The following NPHS2 variants were observed in gnomAD, a reference collection of about 807,000 sequenced individuals.
The protein encoded by NPHS2 is NPHS2 stomatin family member, podocin.
Under a neutral mutation model 37.1 loss-of-function variants are expected in NPHS2, and 36 were observed. The ratio of observed to expected loss-of-function variants is 0.97; its 90% CI spans 0.74 to 1.28. The LOEUF (loss-of-function observed/expected upper bound fraction) is 1.28, where lower values mean the gene tolerates loss of function less well. NPHS2 is among the 50% of genes most tolerant of loss of function. The pLI, the probability that NPHS2 is intolerant of heterozygous loss-of-function variation, is 0.00. For missense variants in NPHS2, 447 were observed against 488.1 expected (o/e 0.92, Z 0.79); for synonymous variants, 196 against 189.3 (o/e 1.04, Z -0.29).
At chr1:179,574,699 G>C (rs80202463) in intron 1 of NPHS2, among the ~76,000 whole-genome samples, 6,582 of 152,266 alleles carry the variant, frequency 0.043, 196 homozygotes, top group Non-Finnish European at 0.068. Flanking sequence ...TAAAACTTCA[G>C]AGCCAGCAGG....
At chr1:179,554,694 T>A in intron 5 of NPHS2, 163 bp from the exon 6 acceptor site, 1 of 907,346 alleles carries the variant, frequency 1.1e-6, no homozygotes, top group Non-Finnish European at 1.8e-6. Flanking sequence ...AAGAGTTGTT[T>A]AACTTGCATG....
At chr1:179,554,335 T>G (rs1572271432) in intron 6 of NPHS2, 141 bp downstream of exon 6, 1 of 898,556 alleles carries the variant, frequency 1.1e-6, no homozygotes, top group South Asian at 1.7e-5. Flanking sequence ...AGATATTAGG[T>G]GATTTGTTTC....
rs145693203 is a variant in NPHS2 at position 179,556,436 on chromosome 1, G to A, written c.738+591C>T. Among the ~76,000 whole-genome samples the A allele has an allele frequency of 3.0e-3, 459 of 152,358 alleles. 2 individuals are homozygous for A. The highest frequency in any genetic ancestry group is 8.4e-3 in the African/African-American group (349 of 41,590). On this transcript the variant is annotated intron_variant, in intron 5 of 7. Transcript: ENST00000367615. This position sits in a 1 kb window ranked among gnomAD's most constrained non-coding sequence, Gnocchi z 4.1. ...AGAATCAAAGCCACCGACCCTGGCC[G>A]TGAATGAGCTTGCTGAGCTTGCTGT...
chr1:179,559,131 T>C (rs1446929562), intron 4 of NPHS2, among the ~76,000 whole-genome samples: 3 of 152,180 alleles, frequency 2.0e-5, no homozygotes, highest in Non-Finnish European at 4.4e-5. Context: ...GAAGAGTTTA[T>C]CTTTTCTACT....
chr1:179,562,445 T>C (rs1475742676), intron 2 of NPHS2, among the ~76,000 whole-genome samples: 1 of 152,224 alleles, frequency 6.6e-6, no homozygotes, highest in South Asian at 2.1e-4. Context: ...TTGTAAGTAT[T>C]CAATAAATAT....
rs1674131379 is a variant in NPHS2, at chr1:179,561,377, A to T, written c.379-16T>A. 1 of 1,557,000 alleles carries T rather than the reference A, an allele frequency of 6.4e-7. No homozygotes were observed. ...CTTGTACAACCTAAAGAGAAATTTA[A>T]TCCTTTCAAATCACTCCCAGAAAGA... is the stretch of plus-strand genomic sequence containing the variant. On this transcript the variant is annotated splice_polypyrimidine_tract_variant and intron_variant, in intron 2 of 7. Transcript: ENST00000367615.
At chr1:179,554,742 G>A in intron 5 of NPHS2, 1 of 647,026 alleles carries the variant, frequency 1.5e-6, no homozygotes, top group South Asian at 1.9e-5. Context: ...TGAAGATGGT[G>A]TGGTATGCTG....
At chr1:179,573,593 A>G (rs1674646338) in intron 1 of NPHS2, among the ~76,000 whole-genome samples, 1 of 152,224 alleles carries the variant, frequency 6.6e-6, no homozygotes, top group Non-Finnish European at 1.5e-5. Context: ...CTCTACCAAC[A>G]TATTAATTTT....
intron 1 of NPHS2, among the ~76,000 whole-genome samples, chr1:179,573,242 T>G (rs1225096018): frequency 6.6e-6 from 1 of 152,208 alleles, no homozygotes; most frequent in Non-Finnish European, 1.5e-5. Context: ...TGCAGATCAC[T>G]TGAAGAAGAG....
intron 1 of NPHS2, among the ~76,000 whole-genome samples, chr1:179,568,598 G>T (rs1286273782): frequency 6.6e-6 from 1 of 152,074 alleles, no homozygotes; most frequent in East Asian, 1.9e-4. Context: ...GCTAGCTTTT[G>T]AATTTGTTTG....
chr1:179,564,574 TGAGGG>T (rs755395829), intron 2 of NPHS2, 111 bp downstream of exon 2: 3 of 894,926 alleles, frequency 3.4e-6, no homozygotes, highest in Non-Finnish European at 5.5e-6. Flanking sequence ...GAGTCTGGGG[TGAGGG>T]CATTCCACAT....
intron 2 of NPHS2, among the ~76,000 whole-genome samples, chr1:179,564,251 A>G (rs1194694405): frequency 2.0e-5 from 3 of 152,182 alleles, no homozygotes; most frequent in African/African-American, 7.2e-5. Flanking sequence ...CAGAATGGAC[A>G]CAGGTCTTCA....
chr1:179,554,058 A>G (rs6425576), intron 6 of NPHS2, among the ~76,000 whole-genome samples: 81,496 of 151,720 alleles, frequency 0.54, 22,977 homozygotes, highest in African/African-American at 0.72. Context: ...GATTACAGGC[A>G]TGTGCTACCA....
chr1:179,555,768 A>G (rs1270533059), intron 5 of NPHS2, among the ~76,000 whole-genome samples: 2 of 152,224 alleles, frequency 1.3e-5, no homozygotes, highest in African/African-American at 4.8e-5. Flanking sequence ...TATTAGATTC[A>G]GTGGGAGAAG....
chr1:179,565,517 A>G (rs977141824), intron 1 of NPHS2, among the ~76,000 whole-genome samples: 11 of 152,206 alleles, frequency 7.2e-5, no homozygotes, highest in Admixed American at 5.2e-4. Context: ...ATAAAATAAC[A>G]CATACACATA....
chr1:179,553,222 G>A (rs970408420), intron 6 of NPHS2, among the ~76,000 whole-genome samples: 14 of 152,234 alleles, frequency 9.2e-5, no homozygotes, highest in African/African-American at 7.2e-5. Flanking sequence ...AGTTAAATAC[G>A]GAGTTACCAT....
Position 179,561,303 on chromosome 1 carries a change from CT to C in NPHS2, c.436del (p.Arg146GlufsTer35), listed in dbSNP as rs778201387. Reference protein sequence around the residue: ...IFRLGHLLPGRAKGPGLFFFL... With the variant: ...IFRLGHLLPGXAKGPGLFFFL... Reference sequence around the variant, plus strand: ...TGTTTTTTTACCAGGGCCTTTGGCTCTTCCAGGAAGCAGATGTCCCAGTCGG... The same window carrying C: ...TGTTTTTTTACCAGGGCCTTTGGCTCTCCAGGAAGCAGATGTCCCAGTCGG... On this transcript the variant is annotated frameshift_variant, in exon 3 of 8. Transcript: ENST00000367615. LOFTEE classifies it high-confidence loss of function. 1.9e-6 allele frequency: 3 copies of C among 1,613,234 alleles called. No individual in the cohort carries two copies. In the South Asian group the frequency reaches 3.3e-5, roughly 18 times the overall value.
At chr1:179,572,351 C>G (rs12406695) in intron 1 of NPHS2, among the ~76,000 whole-genome samples, 28,415 of 151,320 alleles carry the variant, frequency 0.19, 2,836 homozygotes, top group East Asian at 0.35. Flanking sequence ...TGAAAATTAA[C>G]TTTATGGGGT....
chr1:179,557,591 A>T (rs1021736937), intron 4 of NPHS2, among the ~76,000 whole-genome samples: 8 of 152,172 alleles, frequency 5.3e-5, no homozygotes, highest in African/African-American at 1.9e-4. Context: ...TGCTCGCTAG[A>T]GTGTACGTTA....
Sources: gnomAD v4.1 joint callset for allele counts (sites outside exome capture counted in the v4.1 genomes callset) on GRCh38, gnomAD v4.1.1 for gene constraint, Gnocchi (gnomAD v3.1) non-coding constraint, MANE v1.5 for transcripts, NCBI Gene and HGNC (gene_info 2026-07-23, HGNC 2026-07-21) for gene names.